NTRK1: variants seen among roughly 807,000 people sequenced by gnomAD.
The protein encoded by NTRK1 is high affinity nerve growth factor receptor.
Under a neutral mutation model 86.8 loss-of-function variants are expected in NTRK1, and 62 were observed. That is an observed-to-expected ratio of 0.71 (90% confidence interval 0.58 to 0.88). NTRK1 has a LOEUF of 0.88. Ranked by LOEUF, NTRK1 falls within the 40% of genes least tolerant of loss-of-function variation. The pLI, the probability that NTRK1 is intolerant of heterozygous loss-of-function variation, is 0.00. For missense variants in NTRK1, 967 were observed against 1,078.4 expected (o/e 0.90, Z 1.45); for synonymous variants, 469 against 456.6 (o/e 1.03, Z -0.35).
intron 1 of NTRK1, among the ~76,000 whole-genome samples, chr1:156,827,494 T>G (rs1654350301): frequency 6.6e-6 from 1 of 152,140 alleles, no homozygotes; most frequent in African/African-American, 2.4e-5. Flanking sequence ...ACTCTTGACC[T>G]CAGGTGATCC....
intron 11 of NTRK1, among the ~76,000 whole-genome samples, chr1:156,875,256 C>T (rs952968981): frequency 6.6e-6 from 1 of 151,570 alleles, no homozygotes; most frequent in Admixed American, 6.6e-5. Flanking sequence ...GGATTGTAGT[C>T]AAGCATTAAG....
chr1:156,817,047 T>TTCTCCCTCTCTCTCTCTCTC (rs148320709), intron 1 of NTRK1, among the ~76,000 whole-genome samples: 9 of 113,782 alleles, frequency 7.9e-5, no homozygotes, highest in South Asian at 3.2e-4. Flanking sequence ...GAACTTCCCT[T>TTCTCCCTCTCTCTCTCTCTC]TCTCTCTCTC....
In NTRK1 at chr1:156,846,546, T is replaced by C. The variant is rs556621833; in HGVS notation, c.50+4353T>C. ...GCAGGCAGCGTTCGGAGGTAGACGA[T>C]GGGACTCTGGGCTCCTTGATGAGGG... On this transcript the variant is annotated intron_variant, in intron 2 of 16. Transcript: ENST00000392302. 2.5e-6 allele frequency: 4 copies of C among 1,614,154 alleles called. No homozygotes were observed. The African/African-American group carries it at 4.0e-5, about 16-fold the overall frequency.
chr1:156,827,579 G>A lies in NTRK1; in HGVS notation c.-64+11741G>A, dbSNP rs376197549. On this transcript the variant is annotated intron_variant, in intron 1 of 16. Coordinates refer to the NTRK1 transcript ENST00000392302. ...ACCTGGCCTATTTTTAAATTTTTTT[G>A]TAGAGATGAGTCTCCCTATGTTTCC... Among the ~76,000 whole-genome samples, 91 of 152,132 alleles carry A rather than the reference G, an allele frequency of 6.0e-4. 1 individual carries two copies. The highest frequency in any genetic ancestry group is 3.4e-3 in the Middle Eastern group (1 of 294).
intron 2 of NTRK1, chr1:156,843,421 A>G: frequency 6.2e-7 from 1 of 1,614,026 alleles, no homozygotes; most frequent in Non-Finnish European, 8.5e-7. Flanking sequence ...CCACTCCCAG[A>G]CCTACTATCA....
chr1:156,821,568 G>A (rs115319286), intron 1 of NTRK1, among the ~76,000 whole-genome samples: 297 of 152,112 alleles, frequency 2.0e-3, no homozygotes, highest in African/African-American at 6.6e-3. Context: ...ATTGAAGAAG[G>A]TGGGGAAAGG....
chr1:156,843,341 C>T, intron 2 of NTRK1: 1 of 1,574,196 alleles, frequency 6.4e-7, no homozygotes, highest in South Asian at 1.1e-5. Flanking sequence ...AGGCTATCTT[C>T]TGCAAGAAGG....
intron 1 of NTRK1, chr1:156,816,999 C>A: frequency 6.2e-6 from 2 of 324,240 alleles, no homozygotes; most frequent in Non-Finnish European, 1.1e-5. Context: ...TGACCTTCAT[C>A]CCTCCAGATT....
intron 2 of NTRK1, among the ~76,000 whole-genome samples, chr1:156,850,480 A>G (rs1385662275): frequency 5.3e-5 from 8 of 149,758 alleles, no homozygotes; most frequent in African/African-American, 2.0e-4. Flanking sequence ...CCCAAAGTGC[A>G]GAGATTACAG....
At chr1:156,858,301 A>ATATC (rs1655481530), upstream of NTRK1, among the ~76,000 whole-genome samples, 1 of 152,184 alleles carries the variant, frequency 6.6e-6, no homozygotes. Context: ...GGGACGGAAG[A>ATATC]TATCTACTTG....
At chr1:156,824,916 G>A (rs1056326034) in intron 1 of NTRK1, among the ~76,000 whole-genome samples, 2 of 152,102 alleles carry the variant, frequency 1.3e-5, no homozygotes, top group Non-Finnish European at 2.9e-5. Context: ...TTGAGACAGA[G>A]TTTCTCTCTT....
rs748814478 is a variant in NTRK1 at position 156,816,726 on chromosome 1, G to A, written c.-64+888G>A. The stretch of plus-strand genomic sequence containing the variant: ...AACTCCATGAGGGCAGCCTCACAAG[G>A]GATCCCAGAGCAGGGTGTGTGTATG... On this transcript the variant is annotated intron_variant, in intron 1 of 16. Coordinates refer to the NTRK1 transcript ENST00000392302. The A allele has an allele frequency of 1.5e-5, 24 of 1,591,314 alleles. 1 individual carries two copies. The highest frequency in any genetic ancestry group is 4.3e-6 in the Non-Finnish European group (5 of 1,168,400).
At chr1:156,878,753 G>A (rs182811105) in intron 14 of NTRK1, among the ~76,000 whole-genome samples, 30 of 152,334 alleles carry the variant, frequency 2.0e-4, no homozygotes, top group Admixed American at 4.6e-4. Flanking sequence ...GGTGGGAAGG[G>A]TCCCTTCCCT....
In NTRK1 at chr1:156,876,557, T is replaced by G. The variant is rs1647930712; in HGVS notation, c.1790T>G (p.Leu597Arg). 6.2e-7 allele frequency: 1 copy of G among 1,612,590 alleles called. No homozygotes were observed. Among genetic ancestry groups the G allele is most frequent in the Middle Eastern group, 1.7e-4 (1 of 5,980 alleles). The change falls in exon 14 of 17, where the codon CTC becomes CGC. Residue 597 changes from leucine to arginine, a missense_variant. Around this residue, in one of 2 missense-constraint regions of NTRK1, gnomAD observed 637 missense variants for 776.5 expected, o/e 0.82. Transcript: ENST00000524377. ...MVFEYMRHGDLNRFLRSHGPD... is the reference protein window; with the variant it reads ...MVFEYMRHGDRNRFLRSHGPD... ...TTTGAGTATATGCGGCACGGGGACC[T>G]CAACCGCTTCCTCCGGTACCAGCAC...
chr1:156,860,748 G>C (rs1655598041), upstream of NTRK1: 4 of 1,124,616 alleles, frequency 3.6e-6, no homozygotes, highest in South Asian at 4.6e-5. Context: ...AGAGGGGGGG[G>C]CGTCAGAGAG....
intron 2 of NTRK1, chr1:156,849,272 G>T: frequency 6.2e-7 from 1 of 1,613,954 alleles, no homozygotes; most frequent in African/African-American, 1.3e-5. Context: ...GTTGGTGCGG[G>T]GGTTGATCTC....
At chr1:156,858,289 T>C (rs539433641), upstream of NTRK1, among the ~76,000 whole-genome samples, 49 of 152,226 alleles carry the variant, frequency 3.2e-4, no homozygotes, top group Non-Finnish European at 6.3e-4. Context: ...GTTTCACTAG[T>C]AGGGACGGAA....
chr1:156,878,220 C>T (rs541270483), intron 14 of NTRK1, among the ~76,000 whole-genome samples: 1 of 152,242 alleles, frequency 6.6e-6, no homozygotes, highest in African/African-American at 2.4e-5. Context: ...GGGCATTGGG[C>T]CTCCCTCCCT....
intron 1 of NTRK1, among the ~76,000 whole-genome samples, chr1:156,827,767 A>G (rs11264565): frequency 6.6e-6 from 1 of 152,076 alleles, no homozygotes; most frequent in Non-Finnish European, 1.5e-5. Flanking sequence ...GTGAGAGACT[A>G]TGAACCTGAA....
Sources: gnomAD v4.1 joint callset for allele counts (sites outside exome capture counted in the v4.1 genomes callset) on GRCh38, gnomAD v4.1.1 for gene constraint, gnomAD v4.1.1 regional missense constraint, MANE v1.5 for transcripts, NCBI Gene and HGNC (gene_info 2026-07-23, HGNC 2026-07-21) for gene names.